CSMD1: variants seen among roughly 807,000 people sequenced by gnomAD.
CSMD1 encodes CUB and sushi domain-containing protein 1.
A neutral mutation model predicts 417.5 loss-of-function variants in CSMD1; 213 were observed. The ratio of observed to expected loss-of-function variants is 0.51; its 90% CI spans 0.46 to 0.57. The LOEUF (loss-of-function observed/expected upper bound fraction) is 0.57, where lower values mean the gene tolerates loss of function less well. Ranked by LOEUF, CSMD1 falls within the 20% of genes least tolerant of loss-of-function variation. The probability of loss-of-function intolerance (pLI) is 0.00; values close to 1 mark genes in which losing one functional copy is unlikely to be tolerated. For missense variants in CSMD1, 6,923 were observed against 4,529.7 expected (o/e 1.53, Z -15.17); for synonymous variants, 2,862 against 1,736.8 (o/e 1.65, Z -16.11).
intron 6 of CSMD1, among the ~76,000 whole-genome samples, chr8:3,732,654 G>C (rs780725113): frequency 2.0e-5 from 3 of 152,082 alleles, no homozygotes; most frequent in Non-Finnish European, 4.4e-5. Context: ...TGTTTGAACA[G>C]AGTTCAATCC....
At chr8:3,454,863 G>A (rs940660554) in intron 12 of CSMD1, among the ~76,000 whole-genome samples, 1 of 152,114 alleles carries the variant, frequency 6.6e-6, no homozygotes, top group Admixed American at 6.5e-5. Context: ...TGGCCTGCCT[G>A]GCTAGATTGG....
chr8:4,152,458 T>A (rs576951071), intron 3 of CSMD1, among the ~76,000 whole-genome samples: 148 of 151,640 alleles, frequency 9.8e-4, no homozygotes, highest in African/African-American at 3.5e-3. Flanking sequence ...GTGGCTTGCT[T>A]GAGCCCAGCA....
At chr8:4,626,558 C>G (rs969820216) in intron 2 of CSMD1, among the ~76,000 whole-genome samples, 1 of 152,060 alleles carries the variant, frequency 6.6e-6, no homozygotes, top group East Asian at 1.9e-4. Context: ...AGGAGATCAA[C>G]AAGAGCTAGA....
chr8:4,040,389 G>C (rs919508312), intron 3 of CSMD1, among the ~76,000 whole-genome samples: 1 of 152,118 alleles, frequency 6.6e-6, no homozygotes, highest in Non-Finnish European at 1.5e-5. Context: ...ACAAAAACAT[G>C]CTGCAGGGAG....
chr8:4,203,218 G>C (rs150539102), intron 3 of CSMD1, among the ~76,000 whole-genome samples: 1 of 152,276 alleles, frequency 6.6e-6, no homozygotes, highest in South Asian at 2.1e-4. Context: ...TTTGAAGATG[G>C]AGAAAGAAGG....
At chr8:4,214,289 G>C (rs1044450389) in intron 3 of CSMD1, among the ~76,000 whole-genome samples, 2 of 152,154 alleles carry the variant, frequency 1.3e-5, no homozygotes, top group Non-Finnish European at 2.9e-5. Context: ...ATTAAAATTA[G>C]TAGTAATAGT....
chr8:4,047,150 G>C (rs946737819), intron 3 of CSMD1, among the ~76,000 whole-genome samples: 2 of 152,172 alleles, frequency 1.3e-5, no homozygotes, highest in African/African-American at 4.8e-5. Context: ...GCCTGCAACG[G>C]TTCCGTGAGC....
At chr8:4,011,411 C>T (rs974747180) in intron 4 of CSMD1, among the ~76,000 whole-genome samples, 1 of 152,190 alleles carries the variant, frequency 6.6e-6, no homozygotes, top group Non-Finnish European at 1.5e-5. Context: ...TCTAGCCTTA[C>T]TTTCTGAAAT....
intron 3 of CSMD1, among the ~76,000 whole-genome samples, chr8:4,214,052 G>C (rs533908766): frequency 1.3e-5 from 2 of 152,302 alleles, no homozygotes; most frequent in East Asian, 1.9e-4. Context: ...AATGCAAAAT[G>C]ATCAATAAAT....
intron 3 of CSMD1, among the ~76,000 whole-genome samples, chr8:4,336,492 G>C (rs969205158): frequency 6.6e-6 from 1 of 152,142 alleles, no homozygotes; most frequent in East Asian, 1.9e-4. Flanking sequence ...CGGAAACACA[G>C]ATACAACTAC....
chr8:4,558,534 G>C (rs1005994692), intron 2 of CSMD1, among the ~76,000 whole-genome samples: 1 of 152,078 alleles, frequency 6.6e-6, no homozygotes, highest in Non-Finnish European at 1.5e-5. Flanking sequence ...GGAAGACTCC[G>C]AAAGCAAGTA....
intron 3 of CSMD1, among the ~76,000 whole-genome samples, chr8:4,199,051 G>A (rs1456989776): frequency 1.3e-5 from 2 of 151,946 alleles, no homozygotes; most frequent in Non-Finnish European, 2.9e-5. Context: ...CTCATCCTCT[G>A]CAGTCTGGCA....
chr8:4,152,117 T>C (rs899904102), intron 3 of CSMD1, among the ~76,000 whole-genome samples: 10 of 152,116 alleles, frequency 6.6e-5, no homozygotes, highest in Admixed American at 3.9e-4. Flanking sequence ...ATACAGGAAA[T>C]TGTATAGAAA....
chr8:3,899,286 A>G (rs1292550629), intron 5 of CSMD1, among the ~76,000 whole-genome samples: 1 of 152,190 alleles, frequency 6.6e-6, no homozygotes, highest in Non-Finnish European at 1.5e-5. Context: ...CTGCTAAGAA[A>G]TGGCACTTTC....
chr8:4,481,791 C>A (rs1236212970), intron 2 of CSMD1, among the ~76,000 whole-genome samples: 1 of 152,112 alleles, frequency 6.6e-6, no homozygotes, highest in Non-Finnish European at 1.5e-5. Flanking sequence ...ATTGTGAGCA[C>A]ATAATGGGAT....
chr8:3,062,757 A>T (rs1812668974), intron 49 of CSMD1, among the ~76,000 whole-genome samples: 1 of 152,156 alleles, frequency 6.6e-6, no homozygotes, highest in African/African-American at 2.4e-5. Flanking sequence ...GCAAATAAAC[A>T]GCTAATTATT....
chr8:4,066,850 C>A (rs902711734), intron 3 of CSMD1, among the ~76,000 whole-genome samples: 3 of 152,176 alleles, frequency 2.0e-5, no homozygotes, highest in Non-Finnish European at 4.4e-5. Flanking sequence ...CACACAGTAG[C>A]CTTGATCACT....
At chr8:4,641,007 G>A (rs2130867551) in intron 1 of CSMD1, among the ~76,000 whole-genome samples, 1 of 151,360 alleles carries the variant, frequency 6.6e-6, no homozygotes, top group East Asian at 2.0e-4. Context: ...TTTTCCTAGT[G>A]ATACTGAAGT....
intron 5 of CSMD1, among the ~76,000 whole-genome samples, chr8:3,930,311 T>G (rs2129642560): frequency 6.6e-6 from 1 of 150,614 alleles, no homozygotes; most frequent in African/African-American, 2.4e-5. Flanking sequence ...TTCAAAGACC[T>G]GTGCTAACAC....
Sources: gnomAD v4.1 joint callset for allele counts (sites outside exome capture counted in the v4.1 genomes callset) on GRCh38, gnomAD v4.1.1 for gene constraint, MANE v1.5 for transcripts, NCBI Gene and HGNC (gene_info 2026-07-23, HGNC 2026-07-21) for gene names.